Variants in NNT observed in about 807,000 individuals in gnomAD.
NNT encodes the protein nicotinamide nucleotide transhydrogenase, also known as NAD(P) transhydrogenase, mitochondrial.
NNT carries 50 observed loss-of-function variants against 104.8 expected under a neutral mutation model. That is an observed-to-expected ratio of 0.48 (90% CI 0.38 to 0.60). The LOEUF is 0.60. Among genes scored for constraint, NNT ranks in the 20% least tolerant of loss-of-function variants. The probability of loss-of-function intolerance (pLI) is 0.00; values close to 1 mark genes in which losing one functional copy is unlikely to be tolerated. For synonymous variants in NNT, 461 were observed against 490.4 expected, an observed-to-expected ratio of 0.94 and a Z score of 0.79; for missense variants, 1,131 against 1,330.7, an observed-to-expected ratio of 0.85 and a Z score of 2.33.
intron 2 of NNT, 31 bp downstream of exon 2, chr5:43,609,377 A>C (rs745597650): frequency 1.2e-6 from 2 of 1,609,284 alleles, no homozygotes; most frequent in Admixed American, 3.4e-5. Flanking sequence ...TTGTAAATGA[A>C]ACCTTCAAGT....
chr5:43,704,146 G>A (rs1742995927), intron 21 of NNT, 109 bp from the exon 22 acceptor site: 4 of 840,414 alleles, frequency 4.8e-6, no homozygotes, highest in Non-Finnish European at 7.1e-6. Context: ...TAAAGAATTA[G>A]TAGTGGTACA....
Position 43,648,016 on chromosome 5 carries a change from A to T in NNT, c.1445-1131A>T. Reference sequence around the variant, plus strand: ...GCCTGAGATGACACAGCTAGGGAGCAGCAGAACCAGGATTCAAACCAGACT... The same window carrying T: ...GCCTGAGATGACACAGCTAGGGAGCTGCAGAACCAGGATTCAAACCAGACT... On this transcript the variant is annotated intron_variant, in intron 10 of 21. Coordinates refer to ENST00000344920, the MANE Select transcript of NNT (RefSeq NM_182977.3). 3 of 977,698 alleles carry T rather than the reference A, an allele frequency of 3.1e-6. No homozygotes were observed. In the Admixed American group the frequency reaches 7.0e-5, roughly 23 times the overall value. 60.6% of individuals were successfully genotyped at this position (977,698 alleles called of 1,614,324 possible).
At chr5:43,700,716 G>C (rs1742808627) in intron 20 of NNT, among the ~76,000 whole-genome samples, 1 of 152,180 alleles carries the variant, frequency 6.6e-6, no homozygotes, top group African/African-American at 2.4e-5. Context: ...AAAAGTACTA[G>C]AATTTCCCTA....
intron 17 of NNT, among the ~76,000 whole-genome samples, chr5:43,672,590 C>T (rs1741173713): frequency 6.6e-6 from 1 of 152,214 alleles, no homozygotes; most frequent in Non-Finnish European, 1.5e-5. Context: ...GTGGAGGCTG[C>T]AGAACCGCGA....
At chr5:43,632,270 T>A (rs1750712417) in intron 7 of NNT, among the ~76,000 whole-genome samples, 1 of 152,174 alleles carries the variant, frequency 6.6e-6, no homozygotes, top group African/African-American at 2.4e-5. Flanking sequence ...TTGAGTGGAT[T>A]CAAAGGGGAT....
At position 43,679,153 on chromosome 5, in the gene NNT, CT is replaced by C. The variant is rs1461099398; in HGVS notation, c.2876+1352del. ...TTTTTACATAGGATATTAAGCTGTG[CT>C]TTTTAAAGCCATCATTTTGCTGCTG... is the stretch of plus-strand genomic sequence containing the variant. On this transcript the variant is annotated intron_variant, in intron 19 of 21. Coordinates refer to ENST00000344920, the MANE Select transcript of NNT (RefSeq NM_182977.3). Among the ~76,000 whole-genome samples, 4 of 152,242 alleles carry C rather than the reference CT, an allele frequency of 2.6e-5. No individual in the cohort carries two copies. In the East Asian group the frequency reaches 7.7e-4, roughly 29 times the overall value.
chr5:43,609,104 T>C, intron 1 of NNT, 39 bp from the exon 2 acceptor site: 1 of 955,058 alleles, frequency 1.0e-6, no homozygotes, highest in South Asian at 1.9e-5. Flanking sequence ...AAATAGTTTT[T>C]TTCTTGGCAT....
intron 17 of NNT, among the ~76,000 whole-genome samples, chr5:43,669,072 C>T (rs1008910155): frequency 6.6e-6 from 1 of 152,100 alleles, no homozygotes; most frequent in Non-Finnish European, 1.5e-5. Context: ...CATGATTTGG[C>T]TCTCTGTTTG....
At chr5:43,640,083 A>G (rs1365976328) in intron 7 of NNT, among the ~76,000 whole-genome samples, 2 of 152,018 alleles carry the variant, frequency 1.3e-5, no homozygotes, top group Non-Finnish European at 2.9e-5. Context: ...TTCTTTTGCA[A>G]TTATGTCTAA....
intron 7 of NNT, among the ~76,000 whole-genome samples, chr5:43,633,048 C>A (rs574832819): frequency 2.6e-5 from 4 of 152,250 alleles, no homozygotes; most frequent in South Asian, 2.1e-4. Flanking sequence ...AGTCCTATAC[C>A]TTCCCAGCTC....
chr5:43,673,434 C>T (rs1043745789), intron 17 of NNT, among the ~76,000 whole-genome samples: 1 of 152,170 alleles, frequency 6.6e-6, no homozygotes, highest in Non-Finnish European at 1.5e-5. Flanking sequence ...ACCCAATCCT[C>T]ACTGGACTCT....
chr5:43,701,415 C>T (rs939907700), intron 20 of NNT, among the ~76,000 whole-genome samples: 2 of 152,100 alleles, frequency 1.3e-5, no homozygotes, highest in African/African-American at 2.4e-5. Flanking sequence ...ACACGATTTC[C>T]ATCCTTTTTA....
intron 19 of NNT, among the ~76,000 whole-genome samples, chr5:43,685,485 A>AT (rs1017307995): frequency 7.9e-5 from 12 of 151,986 alleles, no homozygotes; most frequent in South Asian, 4.1e-4. Flanking sequence ...TAAAGAGCTT[A>AT]TTTTTTTTAA....
intron 7 of NNT, among the ~76,000 whole-genome samples, chr5:43,637,831 C>A (rs1425173358): frequency 1.3e-5 from 2 of 152,086 alleles, no homozygotes; most frequent in Non-Finnish European, 2.9e-5. Context: ...GTAGGTAGGG[C>A]AATGAGATGC....
At position 43,664,045 on chromosome 5, in the gene NNT, T is replaced by C. The variant is rs147120138; in HGVS notation, c.2634+4695T>C. On this transcript the variant is annotated intron_variant, in intron 17 of 21. Coordinates refer to ENST00000344920, the MANE Select transcript of NNT (RefSeq NM_182977.3). ...TAGAACAGGGTGATTTTATTATGTG[T>C]GAGGGAATGGAATGCACCCCAAGTG... Among the ~76,000 whole-genome samples, 518 of 152,102 alleles carry C rather than the reference T, an allele frequency of 3.4e-3. 5 individuals carry two copies. The highest frequency in any genetic ancestry group is 0.012 in the African/African-American group (487 of 41,562).
At chr5:43,606,103 C>T (rs184211161) in intron 1 of NNT, among the ~76,000 whole-genome samples, 3 of 152,138 alleles carry the variant, frequency 2.0e-5, no homozygotes, top group African/African-American at 4.8e-5. Flanking sequence ...AGGTTCAGGT[C>T]GAACAGTAAG....
chr5:43,624,755 C>T (rs1467796540), intron 6 of NNT, among the ~76,000 whole-genome samples: 1 of 152,132 alleles, frequency 6.6e-6, no homozygotes, highest in Non-Finnish European at 1.5e-5. Context: ...TCAGAAGACA[C>T]TAGACACTGG....
intron 13 of NNT, among the ~76,000 whole-genome samples, chr5:43,652,106 A>G (rs899252021): frequency 6.6e-6 from 1 of 152,220 alleles, no homozygotes; most frequent in Non-Finnish European, 1.5e-5. Flanking sequence ...CTGAGTTTAA[A>G]TATGGGTTTA....
intron 5 of NNT, among the ~76,000 whole-genome samples, chr5:43,622,578 C>T (rs1273971554): frequency 3.3e-5 from 5 of 152,154 alleles, no homozygotes; most frequent in Admixed American, 6.5e-5. Flanking sequence ...CGTACTATTT[C>T]TTGAGCATAT....
Sources: allele counts gnomAD v4.1 joint callset (sites outside exome capture counted in the v4.1 genomes callset), GRCh38; gene constraint gnomAD v4.1.1; transcripts MANE v1.5; gene names NCBI Gene and HGNC (gene_info 2026-07-23, HGNC 2026-07-21).